POFUT3: variants seen among roughly 807,000 people sequenced by gnomAD.
POFUT3 encodes the protein GDP-fucose protein O-fucosyltransferase 3.
the POFUT3 span, among the ~76,000 whole-genome samples, chr8:33,373,164 C>T: frequency 1.3e-5 from 2 of 152,134 alleles, no homozygotes; most frequent in South Asian, 2.1e-4. Flanking sequence ...ATCCTCCTCC[C>T]CATAGGCAAA....
the POFUT3 span, among the ~76,000 whole-genome samples, chr8:33,355,296 C>T: frequency 6.6e-6 from 1 of 152,124 alleles, no homozygotes; most frequent in Non-Finnish European, 1.5e-5. Context: ...CTCCCTTCCA[C>T]TTGTAAAGAA....
At chr8:33,431,399 T>G in the POFUT3 span, among the ~76,000 whole-genome samples, 3 of 151,092 alleles carry the variant, frequency 2.0e-5, no homozygotes, top group African/African-American at 7.3e-5. Context: ...AATACAAAAA[T>G]TAGCCAGGCA....
the POFUT3 span, among the ~76,000 whole-genome samples, chr8:33,440,704 A>G: frequency 6.6e-6 from 1 of 152,184 alleles, no homozygotes; most frequent in African/African-American, 2.4e-5. Flanking sequence ...ATCTATTTAC[A>G]TTGCTATCTG....
At chr8:33,405,389 C>A in the POFUT3 span, among the ~76,000 whole-genome samples, 1 of 151,986 alleles carries the variant, frequency 6.6e-6, no homozygotes, top group Admixed American at 6.6e-5. Flanking sequence ...ACAAGTATGG[C>A]AGTTTTAATT....
chr8:33,388,806 G>A, the POFUT3 span: 1 of 648,056 alleles, frequency 1.5e-6, no homozygotes, highest in South Asian at 1.9e-5. Context: ...AGTCCCAAAA[G>A]GTAGTAATGG....
chr8:33,339,352 C>T, the POFUT3 span, among the ~76,000 whole-genome samples: 1 of 152,054 alleles, frequency 6.6e-6, no homozygotes, highest in African/African-American at 2.4e-5. Context: ...AATCAGTTAT[C>T]TGGAAGGTAA....
the POFUT3 span, among the ~76,000 whole-genome samples, chr8:33,309,183 T>TAC: frequency 9.2e-6 from 1 of 108,244 alleles, no homozygotes; most frequent in Non-Finnish European, 1.7e-5. Context: ...TATATATATA[T>TAC]ATATATATAT....
At chr8:33,332,341 A>C in the POFUT3 span, among the ~76,000 whole-genome samples, 5 of 151,732 alleles carry the variant, frequency 3.3e-5, no homozygotes, top group East Asian at 9.8e-4. Context: ...AAATACAAAA[A>C]TTAGCCAGTC....
the POFUT3 span, among the ~76,000 whole-genome samples, chr8:33,359,382 T>C: frequency 6.6e-6 from 1 of 152,242 alleles, no homozygotes; most frequent in Admixed American, 6.5e-5. Context: ...CTTCTTCCTA[T>C]AATTGACTTT....
the POFUT3 span, among the ~76,000 whole-genome samples, chr8:33,456,396 C>T: frequency 2.0e-5 from 3 of 151,918 alleles, no homozygotes; most frequent in East Asian, 1.9e-4. Context: ...CTCTCTCTGT[C>T]GCCCAGGCTA....
chr8:33,469,435 A>G, the POFUT3 span, among the ~76,000 whole-genome samples: 1 of 152,180 alleles, frequency 6.6e-6, no homozygotes, highest in East Asian at 1.9e-4. Flanking sequence ...GTAGATTTCT[A>G]TGTGGGAAAG....
the POFUT3 span, among the ~76,000 whole-genome samples, chr8:33,314,774 G>A: frequency 9.9e-5 from 15 of 152,260 alleles, no homozygotes; most frequent in Admixed American, 3.3e-4. Context: ...TCTGAGCTCA[G>A]TTGCATGACC....
chr8:33,344,090 A>T, the POFUT3 span, among the ~76,000 whole-genome samples: 1 of 152,356 alleles, frequency 6.6e-6, no homozygotes, highest in Non-Finnish European at 1.5e-5. Context: ...GTTAATATCA[A>T]AGAGATCCCT....
At chr8:33,389,138 A>G in the POFUT3 span, 2 of 1,614,170 alleles carry the variant, frequency 1.2e-6, no homozygotes, top group South Asian at 1.1e-5. Flanking sequence ...GGCCTCATAC[A>G]ATCTGTCATC....
the POFUT3 span, among the ~76,000 whole-genome samples, chr8:33,397,524 C>T: frequency 6.6e-6 from 1 of 152,264 alleles, no homozygotes; most frequent in African/African-American, 2.4e-5. Context: ...GGAGGAGCAA[C>T]AGTTTAAGGC....
At chr8:33,346,570 AC>A in the POFUT3 span, among the ~76,000 whole-genome samples, 1 of 152,112 alleles carries the variant, frequency 6.6e-6, no homozygotes, top group Non-Finnish European at 1.5e-5. Flanking sequence ...TCTGGACACT[AC>A]CCCTTGTTTT....
chr8:33,344,407 G>T, the POFUT3 span, among the ~76,000 whole-genome samples: 1 of 152,174 alleles, frequency 6.6e-6, no homozygotes, highest in African/African-American at 2.4e-5. Flanking sequence ...GATGGTTAAT[G>T]AATATATAAA....
the POFUT3 span, among the ~76,000 whole-genome samples, chr8:33,383,061 C>A: frequency 6.6e-6 from 1 of 152,108 alleles, no homozygotes; most frequent in African/African-American, 2.4e-5. Flanking sequence ...TTCTCCCCTT[C>A]CTTACCTGGA....
At chr8:33,346,483 C>A in the POFUT3 span, among the ~76,000 whole-genome samples, 1 of 152,186 alleles carries the variant, frequency 6.6e-6, no homozygotes, top group Non-Finnish European at 1.5e-5. Flanking sequence ...AGCAAAAGGA[C>A]CACTAATTGT....
Sources: allele counts gnomAD v4.1 joint callset (sites outside exome capture counted in the v4.1 genomes callset), GRCh38; gene constraint gnomAD v4.1.1; transcripts MANE v1.5; gene names NCBI Gene and HGNC (gene_info 2026-07-23, HGNC 2026-07-21).